CNTNAP2: variants seen among roughly 807,000 people sequenced by gnomAD.
CNTNAP2 encodes the protein contactin-associated protein-like 2.
Under a neutral mutation model 155.2 loss-of-function variants are expected in CNTNAP2, and 98 were observed. That is an observed-to-expected ratio of 0.63 (90% CI 0.54 to 0.75). The LOEUF (loss-of-function observed/expected upper bound fraction) is 0.75, where lower values mean the gene tolerates loss of function less well. Ranked by LOEUF, CNTNAP2 falls within the 30% of genes least tolerant of loss-of-function variation. The pLI, the probability that CNTNAP2 is intolerant of heterozygous loss-of-function variation, is 0.00. For missense variants in CNTNAP2, 1,727 were observed against 1,688.1 expected (o/e 1.02, Z -0.40); for synonymous variants, 651 against 631.2 (o/e 1.03, Z -0.47).
chr7:146,909,233 A>G (rs2129216304), intron 3 of CNTNAP2, among the ~76,000 whole-genome samples: 1 of 147,714 alleles, frequency 6.8e-6, no homozygotes, highest in East Asian at 2.0e-4. Context: ...TACAAGGAGG[A>G]ACTGGTACCA....
intron 18 of CNTNAP2, among the ~76,000 whole-genome samples, 191 bp from the exon 19 acceptor site, chr7:148,217,097 C>T (rs1430226944): frequency 6.7e-6 from 1 of 149,622 alleles, no homozygotes; most frequent in Non-Finnish European, 1.5e-5. Flanking sequence ...TACATCATAC[C>T]CTGTTACATG....
intron 1 of CNTNAP2, among the ~76,000 whole-genome samples, chr7:146,606,145 C>T (rs1222087164): frequency 1.3e-5 from 2 of 152,048 alleles, no homozygotes; most frequent in Non-Finnish European, 2.9e-5. Context: ...ACTGTTTTGG[C>T]ATAATTATTA....
intron 18 of CNTNAP2, among the ~76,000 whole-genome samples, chr7:148,187,024 T>G (rs987777760): frequency 6.6e-6 from 1 of 152,056 alleles, no homozygotes; most frequent in African/African-American, 2.4e-5. Context: ...AGGGCAGGCC[T>G]AAGTCCTAAA....
chr7:147,341,527 A>G (rs1054233253), intron 9 of CNTNAP2, among the ~76,000 whole-genome samples: 14 of 152,092 alleles, frequency 9.2e-5, no homozygotes, highest in Non-Finnish European at 2.1e-4. Flanking sequence ...AGTTGGTTGA[A>G]CTTCTTATGA....
chr7:146,392,221 A>G (rs1050724388), intron 1 of CNTNAP2, among the ~76,000 whole-genome samples: 9 of 152,166 alleles, frequency 5.9e-5, no homozygotes, highest in African/African-American at 2.2e-4. Flanking sequence ...TAAATATTTC[A>G]TGGTATTTTT....
chr7:147,144,025 A>C (rs1563092227), intron 8 of CNTNAP2, among the ~76,000 whole-genome samples: 1 of 152,152 alleles, frequency 6.6e-6, no homozygotes, highest in Non-Finnish European at 1.5e-5. Flanking sequence ...GATTAACTCC[A>C]GGGAAAAACA....
intron 15 of CNTNAP2, among the ~76,000 whole-genome samples, chr7:147,981,797 G>A (rs574310295): frequency 1.3e-5 from 2 of 151,236 alleles, no homozygotes; most frequent in Non-Finnish European, 1.5e-5. Context: ...GTGTGTGTGT[G>A]TGTGTGTGTG....
At chr7:147,185,058 A>G (rs1047778941) in intron 8 of CNTNAP2, among the ~76,000 whole-genome samples, 2 of 152,192 alleles carry the variant, frequency 1.3e-5, no homozygotes, top group African/African-American at 4.8e-5. Context: ...CCAGGAGGAC[A>G]TCTAAAATGG....
intron 20 of CNTNAP2, among the ~76,000 whole-genome samples, chr7:148,259,951 G>A (rs1210164684): frequency 2.0e-5 from 3 of 151,970 alleles, no homozygotes; most frequent in Admixed American, 6.6e-5. Flanking sequence ...ATCTCTTATC[G>A]CCTCTTAACT....
chr7:147,964,333 G>A (rs1801168439), intron 14 of CNTNAP2, among the ~76,000 whole-genome samples: 1 of 152,162 alleles, frequency 6.6e-6, no homozygotes, highest in Admixed American at 6.5e-5. Flanking sequence ...AGCCTGAGCA[G>A]ACTAATCCAA....
At chr7:147,442,627 C>G (rs919304059) in intron 10 of CNTNAP2, among the ~76,000 whole-genome samples, 4 of 152,112 alleles carry the variant, frequency 2.6e-5, no homozygotes, top group Non-Finnish European at 4.4e-5. Context: ...TCACCTGAAG[C>G]CAGCAAGTGT....
rs1357844294 is a variant in CNTNAP2, at chr7:148,413,438, ATATATATATT to A, written c.3797-1978_3797-1969del. 1.5e-4 allele frequency among the ~76,000 whole-genome samples: 16 copies of A among 109,838 alleles called. 1 individual carries two copies. The highest frequency in any genetic ancestry group is 5.5e-4 in the African/African-American group (15 of 27,320). 72.1% of individuals were successfully genotyped at this position (109,838 alleles called of 152,430 possible). On this transcript the variant is annotated intron_variant, in intron 23 of 23. Transcript: ENST00000361727. ...TATATATATATATATATATATATAT[ATATATATATT>A]GCTCCATAGTTTTCTTGTAACATTT...
chr7:147,039,872 A>G (rs954630457), intron 3 of CNTNAP2, among the ~76,000 whole-genome samples: 5 of 152,232 alleles, frequency 3.3e-5, no homozygotes, highest in Non-Finnish European at 7.3e-5. Flanking sequence ...AACCTAGGCA[A>G]TACCATCCTG....
chr7:147,794,603 T>G (rs1310370091), intron 13 of CNTNAP2, among the ~76,000 whole-genome samples: 2 of 151,906 alleles, frequency 1.3e-5, no homozygotes, highest in Middle Eastern at 6.4e-3. Flanking sequence ...GATTTTTTTC[T>G]GGTGATGTCT....
At chr7:146,451,604 C>T (rs950365599) in intron 1 of CNTNAP2, among the ~76,000 whole-genome samples, 4 of 152,074 alleles carry the variant, frequency 2.6e-5, no homozygotes, top group African/African-American at 4.8e-5. Flanking sequence ...ACGGGCCCTA[C>T]GTTTTTATTT....
intron 13 of CNTNAP2, among the ~76,000 whole-genome samples, chr7:147,694,036 TTTG>T (rs1415169422): frequency 1.3e-5 from 2 of 152,052 alleles, no homozygotes; most frequent in Admixed American, 1.3e-4. Flanking sequence ...TATTGAGCAT[TTTG>T]TTATGCTTTG....
chr7:147,494,837 T>A (rs775023630), intron 11 of CNTNAP2, among the ~76,000 whole-genome samples: 32 of 152,304 alleles, frequency 2.1e-4, no homozygotes, highest in Non-Finnish European at 4.1e-4. Context: ...TATGTGTCTC[T>A]CCTTTGATAC....
intron 1 of CNTNAP2, among the ~76,000 whole-genome samples, chr7:146,349,323 A>G (rs1443520795): frequency 6.6e-6 from 1 of 152,164 alleles, no homozygotes; most frequent in Admixed American, 6.5e-5. Context: ...TCTCATTACT[A>G]CCTAAGAACG....
At chr7:147,027,469 TAACTG>T (rs1166840458) in intron 3 of CNTNAP2, among the ~76,000 whole-genome samples, 3 of 152,350 alleles carry the variant, frequency 2.0e-5, no homozygotes, top group African/African-American at 7.2e-5. Context: ...AAGAATCTGT[TAACTG>T]AATCATTCAG....
Sources: gnomAD v4.1 joint callset for allele counts (sites outside exome capture counted in the v4.1 genomes callset) on GRCh38, gnomAD v4.1.1 for gene constraint, MANE v1.5 for transcripts, NCBI Gene and HGNC (gene_info 2026-07-23, HGNC 2026-07-21) for gene names.